Variants in GRK5 observed in about 807,000 individuals in gnomAD.
The protein encoded by GRK5 is g protein-coupled receptor kinase GRK5.
In GRK5, 40 loss-of-function variants were observed where a neutral mutation model predicts 78.4. The ratio of observed to expected loss-of-function variants is 0.51; its 90% CI spans 0.40 to 0.66. The LOEUF (loss-of-function observed/expected upper bound fraction) is 0.66, where lower values mean the gene tolerates loss of function less well. Among genes scored for constraint, GRK5 ranks in the 30% least tolerant of loss-of-function variants. GRK5 has a pLI of 0.00. For missense variants in GRK5, 598 were observed against 759.9 expected, an observed-to-expected ratio of 0.79 and a Z score of 2.50; for synonymous variants, 289 against 296.8, an observed-to-expected ratio of 0.97 and a Z score of 0.27.
At chr10:119,292,070 T>C (rs1413988269) in intron 1 of GRK5, among the ~76,000 whole-genome samples, 21 of 49,650 alleles carry the variant, frequency 4.2e-4, no homozygotes, top group South Asian at 9.4e-4. Flanking sequence ...TCTTCCTCCT[T>C]CTCCTCCTCT....
rs186518229 is a variant in GRK5 at position 119,339,063 on chromosome 10, C to T, written c.148+12452C>T. The stretch of plus-strand genomic sequence containing the variant: ...TTCCTCTGGAATGTTCTTTTCATTT[C>T]CAGCTTTGCACTTGCATCCACAGAC... On this transcript the variant is annotated intron_variant, in intron 2 of 15. Transcript: ENST00000392870. Among the ~76,000 whole-genome samples the T allele has an allele frequency of 2.2e-3, 335 of 152,318 alleles. 3 individuals carry two copies. The highest frequency in any genetic ancestry group is 7.7e-3 in the African/African-American group (318 of 41,552).
At chr10:119,277,116 G>A (rs1327434373) in intron 1 of GRK5, among the ~76,000 whole-genome samples, 2 of 152,184 alleles carry the variant, frequency 1.3e-5, no homozygotes, top group Non-Finnish European at 2.9e-5. Flanking sequence ...ATGTCTTCAA[G>A]TGCAGCATCA....
chr10:119,333,756 G>A (rs754286146), intron 2 of GRK5: 4 of 532,286 alleles, frequency 7.5e-6, no homozygotes, highest in Admixed American at 3.9e-5. Flanking sequence ...CTGAAAACAT[G>A]CTGTCCACGG....
At chr10:119,337,284 C>T (rs1850906841) in intron 2 of GRK5, among the ~76,000 whole-genome samples, 1 of 152,214 alleles carries the variant, frequency 6.6e-6, no homozygotes, top group Non-Finnish European at 1.5e-5. Flanking sequence ...CCAGGGTCTT[C>T]CCATGATTTG....
intron 1 of GRK5, among the ~76,000 whole-genome samples, chr10:119,244,338 G>A (rs144161184): frequency 4.9e-4 from 74 of 152,290 alleles, no homozygotes; most frequent in African/African-American, 1.7e-3. Flanking sequence ...GTCTGATAAG[G>A]AGTTAAGATG....
At position 119,378,196 on chromosome 10, in the gene GRK5, C is replaced by T. The variant is rs1397035411; in HGVS notation, c.149-2619C>T. 6.6e-6 allele frequency among the ~76,000 whole-genome samples: 1 copy of T among 152,196 alleles called. No homozygotes were observed. Among genetic ancestry groups the T allele is most frequent in the African/African-American group, 2.4e-5 (1 of 41,458 alleles). On this transcript the variant is annotated intron_variant, in intron 2 of 15. Coordinates refer to ENST00000392870, the MANE Select transcript of GRK5 (RefSeq NM_005308.3). This position sits in a 1 kb window ranked among gnomAD's most constrained non-coding sequence, Gnocchi z 4.5. ...GCTCCCTGCGGGCTGGGACCACATC[C>T]CTAGGTACCCCTCCCCGTCAGAACC...
At chr10:119,240,495 C>T (rs1373164326) in intron 1 of GRK5, among the ~76,000 whole-genome samples, 1 of 152,076 alleles carries the variant, frequency 6.6e-6, no homozygotes, top group African/African-American at 2.4e-5. Flanking sequence ...GCCACCACGC[C>T]CGGCCTTCCC....
intron 8 of GRK5, among the ~76,000 whole-genome samples, chr10:119,432,385 C>T (rs1852837446): frequency 6.6e-6 from 1 of 152,220 alleles, no homozygotes; most frequent in Admixed American, 6.5e-5. Context: ...GATTTCGAGG[C>T]TGCAGTGAAC....
chr10:119,241,783 G>C (rs1242218450), intron 1 of GRK5, among the ~76,000 whole-genome samples: 1 of 152,104 alleles, frequency 6.6e-6, no homozygotes, highest in East Asian at 1.9e-4. Flanking sequence ...CATTGGTTGG[G>C]GGTTACAAAT....
At chr10:119,211,952 C>G (rs10510055) in intron 1 of GRK5, among the ~76,000 whole-genome samples, 77,458 of 152,008 alleles carry the variant, frequency 0.51, 19,866 homozygotes, top group East Asian at 0.66. Flanking sequence ...GTTATTAGAA[C>G]GTTGGAACAT....
chr10:119,333,996 C>T, intron 2 of GRK5: 1 of 382,168 alleles, frequency 2.6e-6, no homozygotes, highest in Non-Finnish European at 5.2e-6. Context: ...ACCACAGGCT[C>T]TCCATCTGGG....
chr10:119,285,315 G>T (rs892192802), intron 1 of GRK5, among the ~76,000 whole-genome samples: 2 of 152,160 alleles, frequency 1.3e-5, no homozygotes, highest in African/African-American at 4.8e-5. Flanking sequence ...AGCATTTCCT[G>T]GGTTGGTCCT....
intron 2 of GRK5, among the ~76,000 whole-genome samples, chr10:119,358,558 C>T (rs1851304403): frequency 6.6e-6 from 1 of 152,144 alleles, no homozygotes; most frequent in African/African-American, 2.4e-5. Context: ...CCTGTCTGTG[C>T]CCTCATCTGC....
intron 6 of GRK5, among the ~76,000 whole-genome samples, chr10:119,429,005 G>C (rs779887233): frequency 6.6e-6 from 1 of 152,198 alleles, no homozygotes; most frequent in Non-Finnish European, 1.5e-5. Flanking sequence ...TGTGGTTTCC[G>C]GGGGCGGCTG....
intron 2 of GRK5, among the ~76,000 whole-genome samples, chr10:119,369,481 G>A (rs111795608): frequency 6.6e-6 from 1 of 152,230 alleles, no homozygotes; most frequent in African/African-American, 2.4e-5. Flanking sequence ...GCCCCGCACG[G>A]AAAGGAGAGC....
chr10:119,452,548 T>C lies in GRK5; in HGVS notation c.1405-123T>C, dbSNP rs1853308912. On this transcript the variant is annotated intron_variant, in intron 13 of 15. Transcript: ENST00000392870. This position sits in a 1 kb window ranked among gnomAD's most constrained non-coding sequence, Gnocchi z 4.4. Reference sequence around the variant, plus strand: ...CCACACACCCTCCAGCCACTACCCATAGCAGTTCTGGGGGTGTGTCCTGGG... The same window carrying C: ...CCACACACCCTCCAGCCACTACCCACAGCAGTTCTGGGGGTGTGTCCTGGG... 8.7e-7 allele frequency: 1 copy of C among 1,149,844 alleles called. No individual in the cohort carries two copies. Among genetic ancestry groups the C allele is most frequent in the Non-Finnish European group, 1.2e-6 (1 of 808,774 alleles). The allele number at this position is 1,149,844 out of a possible 1,614,324, so 71.2% of individuals were successfully genotyped here. A position where few individuals can be genotyped will look rare whatever the true frequency, so the allele number is the denominator to read the frequency against.
At position 119,297,135 on chromosome 10, in the gene GRK5, C is replaced by T. The variant is rs139859522; in HGVS notation, c.53-29381C>T. Among the ~76,000 whole-genome samples, 29 of 152,256 alleles carry T rather than the reference C, an allele frequency of 1.9e-4. No homozygotes were observed. In the East Asian group the frequency reaches 5.2e-3, roughly 27 times the overall value. ...CTGCATGGAGACTGGAGGAAGGAGT[C>T]GGGAGTTGTATGGGCCCAGACCCTG... On this transcript the variant is annotated intron_variant, in intron 1 of 15. Transcript: ENST00000392870.
At chr10:119,254,755 GAAAAAA>G (rs1449827883) in intron 1 of GRK5, among the ~76,000 whole-genome samples, 1 of 151,926 alleles carries the variant, frequency 6.6e-6, no homozygotes, top group Non-Finnish European at 1.5e-5. Flanking sequence ...TATTTTGTAA[GAAAAAA>G]ATGGAAAAAC....
chr10:119,242,912 C>T lies in GRK5; in HGVS notation c.52+34943C>T, dbSNP rs1394559248. ...TTAAACCCCCTTCCTTTATAAATTA[C>T]CCAGTCTCGGGCAGTTCTTATAGCA... On this transcript the variant is annotated intron_variant, in intron 1 of 15. Transcript: ENST00000392870. 3.3e-5 allele frequency among the ~76,000 whole-genome samples: 5 copies of T among 151,962 alleles called. No homozygotes were observed. The South Asian group carries it at 8.3e-4, about 25-fold the overall frequency.
Sources: allele counts gnomAD v4.1 joint callset (sites outside exome capture counted in the v4.1 genomes callset), GRCh38; gene constraint gnomAD v4.1.1; non-coding constraint Gnocchi (gnomAD v3.1); transcripts MANE v1.5; gene names NCBI Gene and HGNC (gene_info 2026-07-23, HGNC 2026-07-21).